HNF1B: variants seen among roughly 807,000 people sequenced by gnomAD.
HNF1B encodes HNF1 homeobox B, also known as hepatocyte nuclear factor 1-beta.
A neutral mutation model predicts 61.7 loss-of-function variants in HNF1B; 8 were observed. That is an observed-to-expected ratio of 0.13 (90% CI 0.08 to 0.23). The LOEUF is 0.23. Ranked by LOEUF, HNF1B falls within the 10% of genes least tolerant of loss-of-function variation. The probability of loss-of-function intolerance (pLI) is 1.00; values close to 1 mark genes in which losing one functional copy is unlikely to be tolerated. For missense variants in HNF1B, 562 were observed against 714.5 expected, an observed-to-expected ratio of 0.79 and a Z score of 2.43; for synonymous variants, 314 against 287.7, an observed-to-expected ratio of 1.09 and a Z score of -0.93.
intron 4 of HNF1B, among the ~76,000 whole-genome samples, chr17:37,717,126 G>T (rs1305498933): frequency 6.6e-6 from 1 of 152,120 alleles, no homozygotes; most frequent in Non-Finnish European, 1.5e-5. Context: ...GGGCAATGTG[G>T]GGCTCAGCTT....
intron 8 of HNF1B, among the ~76,000 whole-genome samples, chr17:37,689,146 CAA>C (rs71368464): frequency 7.1e-4 from 44 of 62,400 alleles, no homozygotes; most frequent in South Asian, 1.2e-3. Flanking sequence ...CTTGGTCTCA[CAA>C]AAAAAAAAAA....
At chr17:37,690,653 C>T (rs1283434523) in intron 8 of HNF1B, among the ~76,000 whole-genome samples, 1 of 152,156 alleles carries the variant, frequency 6.6e-6, no homozygotes, top group Non-Finnish European at 1.5e-5. Flanking sequence ...AGAGAAGAAT[C>T]AGGGATACTC....
chr17:37,744,439 G>T (rs997930412), intron 1 of HNF1B, 102 bp downstream of exon 1: 1 of 1,233,242 alleles, frequency 8.1e-7, no homozygotes. Context: ...TTCTCTGGTG[G>T]GAAACGGGCT....
In HNF1B at chr17:37,733,626, T is replaced by C. The variant is rs769549407; in HGVS notation, c.740A>G (p.Tyr247Cys). The stretch of plus-strand genomic sequence containing the variant: ...GTTCTTTTGCCGATCGTAGGCCTGG[T>C]ACAAGATTTGCTGGGACGCGGGCCC... Reference protein sequence around the residue: ...KWGPASQQILYQAYDRQKNPS... With the variant: ...KWGPASQQILCQAYDRQKNPS... Residue 247 changes from tyrosine (Y) to cysteine (C), a missense_variant, in exon 3 of 9, where the codon TAC becomes TGC. Physicochemically the swap from Tyr to Cys is radical, Grantham distance 194. Around this residue, in one of 6 missense-constraint regions of HNF1B, gnomAD observed 54 missense variants for 122.1 expected, o/e 0.44. Coordinates refer to ENST00000617811, the MANE Select transcript of HNF1B (RefSeq NM_000458.4). 1.2e-6 allele frequency: 2 copies of C among 1,614,182 alleles called. No individual in the cohort carries two copies. The highest frequency in any genetic ancestry group is 1.7e-6 in the Non-Finnish European group (2 of 1,180,036).
chr17:37,740,371 G>A (rs1322001134), intron 1 of HNF1B, among the ~76,000 whole-genome samples: 1 of 152,182 alleles, frequency 6.6e-6, no homozygotes, highest in Non-Finnish European at 1.5e-5. Flanking sequence ...TGGACTCCCT[G>A]ATCCTACAAT....
intron 8 of HNF1B, among the ~76,000 whole-genome samples, chr17:37,690,170 G>C (rs1416881816): frequency 6.6e-6 from 1 of 152,156 alleles, no homozygotes; most frequent in Non-Finnish European, 1.5e-5. Flanking sequence ...CATTTGAGCT[G>C]AATGAAGTGA....
chr17:37,723,880 A>G (rs527832595), intron 4 of HNF1B, among the ~76,000 whole-genome samples: 36 of 152,320 alleles, frequency 2.4e-4, no homozygotes, highest in African/African-American at 8.4e-4. Flanking sequence ...GCATGAGTGG[A>G]TGTCTCCACA....
intron 4 of HNF1B, among the ~76,000 whole-genome samples, chr17:37,713,947 C>A (rs922065083): frequency 1.3e-5 from 2 of 152,194 alleles, no homozygotes; most frequent in African/African-American, 4.8e-5. Context: ...AAGGAGAGGC[C>A]AGTCCTCCTA....
In HNF1B at chr17:37,731,673, T is replaced by G; in HGVS notation, c.967A>C (p.Thr323Pro). Reference sequence around the variant, plus strand: ...GAGAGCAGAGGGTTCAGGCTGTGAGTCTGGTTGGAGCTATAGGCGTCCATG... The same window carrying G: ...GAGAGCAGAGGGTTCAGGCTGTGAGGCTGGTTGGAGCTATAGGCGTCCATG... Reference protein sequence around the residue: ...LAMDAYSSNQTHSLNPLLSHG... With the variant: ...LAMDAYSSNQPHSLNPLLSHG... The change falls in exon 4 of 9, where the codon ACT (threonine) becomes CCT (proline). Residue 323 changes from threonine to proline, a missense_variant. Physicochemically the swap from Thr to Pro is conservative, Grantham distance 38. This residue lies in a region of HNF1B where 211 missense variants were observed against 200.7 expected (regional missense o/e 1.05). Coordinates refer to ENST00000617811, the MANE Select transcript of HNF1B (RefSeq NM_000458.4). 1.2e-6 allele frequency: 2 copies of G among 1,613,856 alleles called. No homozygotes were observed. Among genetic ancestry groups the G allele is most frequent in the South Asian group, 2.2e-5 (2 of 91,056 alleles).
chr17:37,688,380 AACAC>A (rs5820230), intron 8 of HNF1B, among the ~76,000 whole-genome samples: 15,370 of 136,082 alleles, frequency 0.11, 884 homozygotes, highest in Non-Finnish European at 0.15. Flanking sequence ...GATCCCCCCA[AACAC>A]ACACACACAC....
At chr17:37,687,904 C>A (rs2032034786) in intron 8 of HNF1B, among the ~76,000 whole-genome samples, 2 of 152,260 alleles carry the variant, frequency 1.3e-5, no homozygotes, top group South Asian at 2.1e-4. Flanking sequence ...TGGGGTGCAC[C>A]TAAGAGTCTG....
At chr17:37,710,734 C>T in intron 4 of HNF1B, 71 bp from the exon 5 acceptor site, 1 of 1,483,742 alleles carries the variant, frequency 6.7e-7, no homozygotes, top group Non-Finnish European at 9.3e-7. Flanking sequence ...CTCGGCACCT[C>T]TTGTTTTCAA....
At chr17:37,723,236 A>C (rs891233030) in intron 4 of HNF1B, among the ~76,000 whole-genome samples, 31 of 151,392 alleles carry the variant, frequency 2.0e-4, no homozygotes, top group African/African-American at 7.3e-4. Context: ...AGTCCCAGCT[A>C]CTCGGGAGGC....
rs143071446 is a variant in HNF1B, at chr17:37,708,436, C to T, written c.1206+2067G>A. Among the ~76,000 whole-genome samples, 13 of 152,290 alleles carry T rather than the reference C, an allele frequency of 8.5e-5. No individual in the cohort carries two copies. In the East Asian group the frequency reaches 2.3e-3, roughly 27 times the overall value. ...GCTGAGCAGAACAGGAAGCAAAAAG[C>T]GTGTCCACAGGCTGCATTTAGAGCG... On this transcript the variant is annotated intron_variant, in intron 5 of 8. Transcript: ENST00000617811.
chr17:37,705,023 G>C lies in HNF1B; in HGVS notation c.1233C>G (p.Pro411=). Residue 411 remains proline, a synonymous_variant, in exon 6 of 9, where the codon CCC becomes CCG. Transcript: ENST00000617811. The stretch of plus-strand genomic sequence containing the variant: ...GGATATTCGTCAAGGTGCTGACTGG[G>C]GGCAAACCTCCTCCTGAGACTGAGA... ...KMISVSGGGL[P]PVSTLTNIHS... is the part of the protein sequence containing the mutation. 6.2e-7 allele frequency: 1 copy of C among 1,614,006 alleles called. No homozygotes were observed. The highest frequency in any genetic ancestry group is 8.5e-7 in the Non-Finnish European group (1 of 1,179,986).
intron 8 of HNF1B, among the ~76,000 whole-genome samples, chr17:37,688,806 A>G (rs2032081805): frequency 6.6e-6 from 1 of 152,158 alleles, no homozygotes; most frequent in Admixed American, 6.5e-5. Context: ...TATTATTAAC[A>G]TGGGGTTCTT....
chr17:37,699,982 T>G (rs2032511047), intron 7 of HNF1B, among the ~76,000 whole-genome samples: 1 of 152,238 alleles, frequency 6.6e-6, no homozygotes, highest in Non-Finnish European at 1.5e-5. Flanking sequence ...TTTTTTATGC[T>G]TACCAAACGC....
intron 4 of HNF1B, chr17:37,720,960 G>A (rs761507033): frequency 1.9e-5 from 19 of 985,164 alleles, no homozygotes; most frequent in Non-Finnish European, 2.2e-5. Context: ...GATAAATTAA[G>A]CACTTTTGTG....
chr17:37,720,168 T>C (rs1371031957), intron 4 of HNF1B, among the ~76,000 whole-genome samples: 1 of 152,132 alleles, frequency 6.6e-6, no homozygotes, highest in African/African-American at 2.4e-5. Flanking sequence ...GTCCAGATAA[T>C]TGATTTGCAG....
Sources: allele counts gnomAD v4.1 joint callset (sites outside exome capture counted in the v4.1 genomes callset), GRCh38; gene constraint gnomAD v4.1.1; regional missense constraint gnomAD v4.1.1; transcripts MANE v1.5; gene names NCBI Gene and HGNC (gene_info 2026-07-23, HGNC 2026-07-21).